DAB1: variants seen among roughly 807,000 people sequenced by gnomAD.
DAB1 encodes DAB adaptor protein 1, also known as disabled homolog 1.
A neutral mutation model predicts 64.6 loss-of-function variants in DAB1; 15 were observed. The observed-to-expected ratio is 0.23, with a 90% confidence interval of 0.16 to 0.36. The LOEUF is 0.36. Among genes scored for constraint, DAB1 ranks in the 10% least tolerant of loss-of-function variants. DAB1 has a pLI of 1.00. For synonymous variants in DAB1, 235 were observed against 251.9 expected, an observed-to-expected ratio of 0.93 and a Z score of 0.64; for missense variants, 596 against 706.7, an observed-to-expected ratio of 0.84 and a Z score of 1.78.
At chr1:58,535,520 T>C (rs963981347) in intron 1 of DAB1, among the ~76,000 whole-genome samples, 1 of 148,430 alleles carries the variant, frequency 6.7e-6, no homozygotes, top group Non-Finnish European at 1.5e-5. Context: ...AATTTGAACC[T>C]GTAAGGTGGA....
chr1:57,145,416 A>C lies in DAB1; in HGVS notation c.81T>G (p.Ser27Arg). The C allele has an allele frequency of 6.2e-7, 1 of 1,614,042 alleles. No individual in the cohort carries two copies. Among genetic ancestry groups the C allele is most frequent in the Non-Finnish European group, 8.5e-7 (1 of 1,179,946 alleles). Residue 27 changes from serine to arginine, a missense_variant, in exon 3 of 15, where the codon AGT becomes AGG. Physicochemically the swap from Ser to Arg is moderately radical, Grantham distance 110 (BLOSUM62 -1). This residue lies in a region of DAB1 where 43 missense variants were observed against 39.6 expected (regional missense o/e 1.09). Coordinates refer to ENST00000371236, the MANE Select transcript of DAB1 (RefSeq NM_001365792.1). Reference sequence around the variant, plus strand: ...TAAACCTCTTTATCAAAGTGGCTTCACTGCGATCCTGACCTAAAAAGAGAA... The same window carrying C: ...TAAACCTCTTTATCAAAGTGGCTTCCCTGCGATCCTGACCTAAAAAGAGAA... ...KDSRKKGQDRSEATLIKRFKG... is the reference protein window; with the variant it reads ...KDSRKKGQDRREATLIKRFKG...
intron 6 of DAB1, among the ~76,000 whole-genome samples, chr1:57,810,899 C>T (rs773521825): frequency 2.0e-5 from 3 of 152,190 alleles, no homozygotes; most frequent in Non-Finnish European, 4.4e-5. Flanking sequence ...TCTTACAGGG[C>T]TAAAATCATG....
intron 1 of DAB1, chr1:58,536,741 C>T: frequency 1.2e-6 from 1 of 867,304 alleles, no homozygotes; most frequent in Non-Finnish European, 2.0e-6. Context: ...TCCTTATGCC[C>T]CTAAAGCAAA....
intron 6 of DAB1, among the ~76,000 whole-genome samples, chr1:57,679,844 G>A (rs1376557814): frequency 6.6e-6 from 1 of 152,196 alleles, no homozygotes; most frequent in Admixed American, 6.5e-5. Flanking sequence ...GTCAGGCACT[G>A]TACTAAGTTC....
chr1:57,504,046 C>T (rs1644317834), intron 7 of DAB1, among the ~76,000 whole-genome samples: 1 of 152,104 alleles, frequency 6.6e-6, no homozygotes, highest in South Asian at 2.1e-4. Context: ...CAAAATGTGT[C>T]CCATGTCATC....
chr1:58,012,751 C>T (rs910405260), intron 5 of DAB1, among the ~76,000 whole-genome samples: 2 of 152,140 alleles, frequency 1.3e-5, no homozygotes, highest in Admixed American at 6.5e-5. Context: ...TCTTCCAGTG[C>T]CCTCATTTAG....
intron 1 of DAB1, among the ~76,000 whole-genome samples, chr1:57,321,071 A>G (rs1198570433): frequency 6.6e-6 from 1 of 152,190 alleles, no homozygotes; most frequent in Non-Finnish European, 1.5e-5. Context: ...GAAGGTATAC[A>G]AAGGTAATGT....
intron 6 of DAB1, among the ~76,000 whole-genome samples, chr1:57,755,827 T>G (rs1030403498): frequency 2.0e-5 from 3 of 152,206 alleles, no homozygotes; most frequent in Non-Finnish European, 4.4e-5. Flanking sequence ...TCCTTAATAC[T>G]GTCATTACTG....
chr1:58,423,098 C>T (rs1644788240), intron 3 of DAB1, among the ~76,000 whole-genome samples: 1 of 152,160 alleles, frequency 6.6e-6, no homozygotes, highest in African/African-American at 2.4e-5. Flanking sequence ...AAATAACCTT[C>T]TAGGAAAATG....
chr1:58,002,893 C>T (rs1288461160), intron 5 of DAB1, among the ~76,000 whole-genome samples: 2 of 152,014 alleles, frequency 1.3e-5, no homozygotes, highest in East Asian at 3.9e-4. Flanking sequence ...TCTTTTGAGT[C>T]CTTTTTTTAA....
intron 1 of DAB1, among the ~76,000 whole-genome samples, chr1:57,357,613 C>G (rs1679221063): frequency 6.8e-6 from 1 of 146,716 alleles, no homozygotes; most frequent in South Asian, 2.1e-4. Context: ...ATTTGTCATG[C>G]TGCTACGAAG....
intron 9 of DAB1, among the ~76,000 whole-genome samples, chr1:57,038,304 T>A (rs576655651): frequency 6.6e-6 from 1 of 152,110 alleles, no homozygotes; most frequent in East Asian, 1.9e-4. Flanking sequence ...CTATAAGAGG[T>A]TTTTTTTCAT....
At chr1:57,014,785 A>T in intron 12 of DAB1, 98 bp downstream of exon 12, 1 of 944,012 alleles carries the variant, frequency 1.1e-6, no homozygotes, top group Non-Finnish European at 1.6e-6. Context: ...AAGCCTGATT[A>T]ATGCAAGTGA....
At chr1:57,914,945 G>T (rs545876878) in intron 5 of DAB1, among the ~76,000 whole-genome samples, 3 of 152,116 alleles carry the variant, frequency 2.0e-5, no homozygotes, top group Non-Finnish European at 2.9e-5. Flanking sequence ...CCCTGGTCTA[G>T]TATGAAAATT....
chr1:57,400,259 T>C (rs914454613), intron 1 of DAB1, among the ~76,000 whole-genome samples: 4 of 152,172 alleles, frequency 2.6e-5, no homozygotes, highest in Non-Finnish European at 5.9e-5. Context: ...ATTTTTCAGG[T>C]TAATTTTTAA....
At chr1:58,130,864 G>A (rs1392874097) in intron 5 of DAB1, among the ~76,000 whole-genome samples, 17 of 152,080 alleles carry the variant, frequency 1.1e-4, no homozygotes, top group African/African-American at 2.7e-4. Flanking sequence ...AGGGTAACCC[G>A]ACCTTTCTCT....
chr1:57,853,307 G>C (rs1434145552), intron 1 of DAB1, among the ~76,000 whole-genome samples: 2 of 151,846 alleles, frequency 1.3e-5, no homozygotes, highest in Non-Finnish European at 2.9e-5. Flanking sequence ...AGAGAACCAG[G>C]TGGCTAACAG....
chr1:58,332,682 G>A (rs1240884929), intron 4 of DAB1, among the ~76,000 whole-genome samples: 4 of 152,104 alleles, frequency 2.6e-5, no homozygotes, highest in African/African-American at 9.7e-5. Flanking sequence ...ATTATCCACA[G>A]GATCCAAGAA....
intron 1 of DAB1, among the ~76,000 whole-genome samples, chr1:57,311,444 A>G (rs943615270): frequency 5.8e-5 from 2 of 34,352 alleles, no homozygotes; most frequent in Non-Finnish European, 9.8e-5. Context: ...AATGAAAAGA[A>G]AAAAAAAATC....
Sources: gnomAD v4.1 joint callset for allele counts (sites outside exome capture counted in the v4.1 genomes callset) on GRCh38, gnomAD v4.1.1 for gene constraint, gnomAD v4.1.1 regional missense constraint, MANE v1.5 for transcripts, NCBI Gene and HGNC (gene_info 2026-07-23, HGNC 2026-07-21) for gene names.